NUP155: variants seen among roughly 807,000 people sequenced by gnomAD.
The protein encoded by NUP155 is nuclear pore complex protein Nup155.
In NUP155, 71 loss-of-function variants were observed where a neutral mutation model predicts 180.4. The observed-to-expected ratio is 0.39, with a 90% confidence interval of 0.33 to 0.48. NUP155 has a LOEUF of 0.48. Ranked by LOEUF, NUP155 falls within the 20% of genes least tolerant of loss-of-function variation. The pLI, the probability that NUP155 is intolerant of heterozygous loss-of-function variation, is 0.91. For synonymous variants in NUP155, 582 were observed against 559.5 expected, an observed-to-expected ratio of 1.04 and a Z score of -0.57; for missense variants, 1,553 against 1,648.9, an observed-to-expected ratio of 0.94 and a Z score of 1.01.
intron 1 of NUP155, among the ~76,000 whole-genome samples, chr5:37,369,736 T>C (rs944618444): frequency 1.3e-5 from 2 of 152,246 alleles, no homozygotes; most frequent in Admixed American, 6.5e-5. Flanking sequence ...TAATCAGAAG[T>C]GTTCTCGGTT....
intron 20 of NUP155, among the ~76,000 whole-genome samples, chr5:37,318,771 G>C (rs1157076639): frequency 2.0e-5 from 3 of 152,116 alleles, no homozygotes; most frequent in Non-Finnish European, 4.4e-5. Context: ...GGCTCACTGA[G>C]AGCTGTAAAG....
intron 30 of NUP155, among the ~76,000 whole-genome samples, chr5:37,300,659 G>GA (rs1554124575): frequency 1.3e-4 from 20 of 151,128 alleles, no homozygotes. Flanking sequence ...TGGTTTTTTA[G>GA]TTTTTTTTTC....
At chr5:37,325,238 C>T (rs1024817197) in intron 19 of NUP155, among the ~76,000 whole-genome samples, 1 of 152,010 alleles carries the variant, frequency 6.6e-6, no homozygotes, top group Non-Finnish European at 1.5e-5. Context: ...ATGGAGTTTT[C>T]GTTCATATAT....
chr5:37,352,896 T>C, intron 4 of NUP155, 67 bp from the exon 5 acceptor site: 6 of 1,099,852 alleles, frequency 5.5e-6, no homozygotes, highest in Non-Finnish European at 8.3e-6. Context: ...TAAGCTTTTA[T>C]TACCATTAAA....
intron 19 of NUP155, among the ~76,000 whole-genome samples, chr5:37,325,114 G>A (rs1326247656): frequency 6.6e-6 from 1 of 152,158 alleles, no homozygotes; most frequent in African/African-American, 2.4e-5. Context: ...TAATGCCATT[G>A]CACACCAGCT....
chr5:37,340,334 A>T (rs982935049), intron 11 of NUP155, among the ~76,000 whole-genome samples: 4 of 151,922 alleles, frequency 2.6e-5, no homozygotes, highest in African/African-American at 9.7e-5. Flanking sequence ...TCTCTCAGCT[A>T]CTCAGGAGGC....
chr5:37,328,249 A>T (rs1744734968), intron 17 of NUP155, 109 bp downstream of exon 17: 2 of 872,456 alleles, frequency 2.3e-6, no homozygotes, highest in Non-Finnish European at 3.6e-6. Context: ...AATTATATTT[A>T]TTTTCAAGGG....
chr5:37,328,352 A>C lies in NUP155; in HGVS notation c.1876+6T>G. 1 of 1,596,100 alleles carries C rather than the reference A, an allele frequency of 6.3e-7. No individual in the cohort carries two copies. The highest frequency in any genetic ancestry group is 8.6e-7 in the Non-Finnish European group (1 of 1,163,768). The stretch of plus-strand genomic sequence containing the variant: ...GAATCCAATCCAAAACAAAGAAAAG[A>C]GGTACCATGAGACGGTGTTCCCAAA... On this transcript the variant is annotated splice_donor_region_variant and intron_variant, in intron 17 of 34. Transcript: ENST00000231498.
intron 9 of NUP155, among the ~76,000 whole-genome samples, chr5:37,348,283 G>A (rs540699032): frequency 5.1e-4 from 77 of 152,016 alleles, no homozygotes; most frequent in African/African-American, 1.6e-3. Context: ...CAGCCTGGGT[G>A]ACAGAGTGAG....
intron 19 of NUP155, among the ~76,000 whole-genome samples, chr5:37,325,439 A>C (rs957099938): frequency 6.6e-6 from 1 of 152,134 alleles, no homozygotes; most frequent in Non-Finnish European, 1.5e-5. Context: ...CCTGAAGGTA[A>C]GCAGTTTGTT....
chr5:37,338,266 T>A (rs570131840), intron 11 of NUP155, among the ~76,000 whole-genome samples: 1 of 139,604 alleles, frequency 7.2e-6, no homozygotes, highest in Non-Finnish European at 1.5e-5. Flanking sequence ...TGCAGTAAGC[T>A]GAGATTGTGC....
chr5:37,345,080 G>A (rs192224311), intron 9 of NUP155, among the ~76,000 whole-genome samples: 102 of 151,762 alleles, frequency 6.7e-4, no homozygotes, highest in African/African-American at 2.4e-3. Flanking sequence ...CTGCTTGGGA[G>A]GCTAAAGTTG....
chr5:37,298,923 G>C lies in NUP155; in HGVS notation c.3738C>G (p.Leu1246=). Reference sequence around the variant, plus strand: ...AAATTTTGCCAAGGAGAACAATCTTGAGACTAAGAGCATGCATTCTATCCG... The same window carrying C: ...AAATTTTGCCAAGGAGAACAATCTTCAGACTAAGAGCATGCATTCTATCCG... ...SSSDRMHALS[L]KIVLLGKIYA... The change falls in exon 32 of 35, where the codon CTC becomes CTG. Residue 1246 remains leucine, a synonymous_variant. Coordinates refer to ENST00000231498, the MANE Select transcript of NUP155 (RefSeq NM_153485.3). The C allele has an allele frequency of 1.2e-6, 2 of 1,613,552 alleles. No homozygotes were observed. The highest frequency in any genetic ancestry group is 8.5e-7 in the Non-Finnish European group (1 of 1,179,492).
At chr5:37,355,139 C>T (rs1408880340) in intron 4 of NUP155, among the ~76,000 whole-genome samples, 3 of 151,774 alleles carry the variant, frequency 2.0e-5, no homozygotes, top group Admixed American at 6.6e-5. Context: ...TCTATAATTG[C>T]AAAATGGCCA....
At chr5:37,295,182 G>A (rs929146215) in intron 32 of NUP155, among the ~76,000 whole-genome samples, 66 of 152,204 alleles carry the variant, frequency 4.3e-4, no homozygotes, top group African/African-American at 1.4e-3. Flanking sequence ...GAGTGCCTGC[G>A]ATTGCAGGTG....
At chr5:37,299,789 C>T (rs575310475) in intron 30 of NUP155, among the ~76,000 whole-genome samples, 2 of 151,982 alleles carry the variant, frequency 1.3e-5, no homozygotes, top group Non-Finnish European at 2.9e-5. Flanking sequence ...AATCCCAGCA[C>T]TTTAAGAGGC....
intron 12 of NUP155, among the ~76,000 whole-genome samples, chr5:37,336,127 CTTTG>C (rs147699590): frequency 2.1e-3 from 318 of 152,108 alleles, no homozygotes; most frequent in African/African-American, 6.4e-3. Flanking sequence ...AAAAGTCCAC[CTTTG>C]TTTGAGAAAA....
intron 22 of NUP155, among the ~76,000 whole-genome samples, chr5:37,313,625 C>G (rs1743675069): frequency 4.6e-5 from 7 of 151,912 alleles, no homozygotes; most frequent in Admixed American, 4.6e-4. Flanking sequence ...TTCAGCCTCC[C>G]AAGTAGCTGG....
At chr5:37,332,168 C>CAAAAA (rs11305356) in intron 13 of NUP155, among the ~76,000 whole-genome samples, 1 of 100,122 alleles carries the variant, frequency 1.0e-5, no homozygotes, top group Non-Finnish European at 2.2e-5. Context: ...TCAATTTAGG[C>CAAAAA]AAAAAAAAAA....
Sources: allele counts gnomAD v4.1 joint callset (sites outside exome capture counted in the v4.1 genomes callset), GRCh38; gene constraint gnomAD v4.1.1; transcripts MANE v1.5; gene names NCBI Gene and HGNC (gene_info 2026-07-23, HGNC 2026-07-21).